Variants in CNTNAP2 observed in about 807,000 individuals in gnomAD.
CNTNAP2 encodes contactin associated protein 2.
Under a neutral mutation model 155.2 loss-of-function variants are expected in CNTNAP2, and 98 were observed. The ratio of observed to expected loss-of-function variants is 0.63; its 90% CI spans 0.54 to 0.75. The LOEUF (loss-of-function observed/expected upper bound fraction) is 0.75. CNTNAP2 is among the 30% of genes least tolerant of loss of function. CNTNAP2 has a pLI of 0.00. For missense variants in CNTNAP2, 1,727 were observed against 1,688.1 expected (o/e 1.02, Z -0.40); for synonymous variants, 651 against 631.2 (o/e 1.03, Z -0.47).
At chr7:147,402,952 GA>G (rs201092537) in intron 10 of CNTNAP2, among the ~76,000 whole-genome samples, 16,284 of 94,762 alleles carry the variant, frequency 0.17, 1,025 homozygotes, top group East Asian at 0.34. Context: ...AAATAATCCT[GA>G]AAAAAAAAAA....
intron 15 of CNTNAP2, among the ~76,000 whole-genome samples, chr7:148,032,968 G>A (rs539168564): frequency 8.5e-5 from 13 of 152,274 alleles, no homozygotes; most frequent in African/African-American, 2.6e-4. Context: ...CCCAGGGCTG[G>A]ATATCAGCCA....
intron 3 of CNTNAP2, among the ~76,000 whole-genome samples, chr7:147,023,418 T>A (rs1021922357): frequency 2.6e-5 from 4 of 152,150 alleles, no homozygotes; most frequent in Non-Finnish European, 5.9e-5. Flanking sequence ...TAAGAAGACT[T>A]TAGAGAGATG....
chr7:148,162,287 T>C (rs1465681134), intron 17 of CNTNAP2, among the ~76,000 whole-genome samples: 1 of 152,226 alleles, frequency 6.6e-6, no homozygotes, highest in Non-Finnish European at 1.5e-5. Context: ...CAAAAATGTA[T>C]TTAGACAAGA....
chr7:147,681,026 C>T lies in CNTNAP2; in HGVS notation c.2098+41720C>T, dbSNP rs562593370. ...ATTTTGTTATTCTTGTTTGGCATTG[C>T]TTTCAAAGTCCATTTCTGTTCCACA... is the stretch of plus-strand genomic sequence containing the variant. On this transcript the variant is annotated intron_variant, in intron 13 of 23. Transcript: ENST00000361727. Among the ~76,000 whole-genome samples, 4 of 151,944 alleles carry T rather than the reference C, an allele frequency of 2.6e-5. No individual in the cohort carries two copies. In the South Asian group the frequency reaches 8.3e-4, roughly 32 times the overall value.
At chr7:147,997,573 A>T (rs924196634) in intron 15 of CNTNAP2, among the ~76,000 whole-genome samples, 246 of 139,350 alleles carry the variant, frequency 1.8e-3, no homozygotes, top group South Asian at 3.8e-3. Flanking sequence ...AAAAAAAAAA[A>T]TTTAAACAAG....
At chr7:146,899,938 A>G (rs555131097) in intron 3 of CNTNAP2, among the ~76,000 whole-genome samples, 3 of 152,324 alleles carry the variant, frequency 2.0e-5, no homozygotes, top group African/African-American at 7.2e-5. Context: ...AGATGTCCCT[A>G]TAAGTGATTG....
At chr7:148,134,198 T>G (rs1006657117) in intron 16 of CNTNAP2, among the ~76,000 whole-genome samples, 16 of 152,242 alleles carry the variant, frequency 1.1e-4, no homozygotes, top group African/African-American at 3.6e-4. Flanking sequence ...TGAGTTTGAT[T>G]CCTCTGATGA....
chr7:147,870,272 G>A (rs550138120), intron 13 of CNTNAP2, among the ~76,000 whole-genome samples: 23 of 152,256 alleles, frequency 1.5e-4, no homozygotes, highest in Admixed American at 3.9e-4. Context: ...GGGAAGGAAG[G>A]AAGATTGGGT....
At chr7:147,512,589 G>C (rs976834136) in intron 11 of CNTNAP2, among the ~76,000 whole-genome samples, 19 of 151,974 alleles carry the variant, frequency 1.3e-4, no homozygotes, top group African/African-American at 4.6e-4. Context: ...AAATACATTA[G>C]CTTAAAGTTA....
At chr7:146,790,786 G>T (rs1015216850) in intron 2 of CNTNAP2, among the ~76,000 whole-genome samples, 6 of 151,774 alleles carry the variant, frequency 4.0e-5, no homozygotes, top group African/African-American at 1.2e-4. Context: ...AGCCAGGATG[G>T]TCTCAATCTC....
intron 13 of CNTNAP2, among the ~76,000 whole-genome samples, chr7:147,761,931 A>T (rs1049881440): frequency 6.6e-6 from 1 of 152,158 alleles, no homozygotes; most frequent in Non-Finnish European, 1.5e-5. Context: ...TATGAAAAAA[A>T]ATACATGCAT....
chr7:146,244,537 A>C (rs1423316686), intron 1 of CNTNAP2, among the ~76,000 whole-genome samples: 2 of 152,168 alleles, frequency 1.3e-5, no homozygotes, highest in Non-Finnish European at 2.9e-5. Context: ...AAGTGGTAAA[A>C]GTATTGTCCA....
intron 14 of CNTNAP2, among the ~76,000 whole-genome samples, chr7:147,917,178 C>G (rs982099496): frequency 1.3e-5 from 2 of 152,226 alleles, no homozygotes; most frequent in Non-Finnish European, 2.9e-5. Flanking sequence ...ACCTGGAAAA[C>G]TTAAACTATT....
chr7:148,046,375 C>G (rs1478865726), intron 15 of CNTNAP2, among the ~76,000 whole-genome samples: 1 of 152,052 alleles, frequency 6.6e-6, no homozygotes, highest in Non-Finnish European at 1.5e-5. Flanking sequence ...CATATATAAA[C>G]TACATATAGT....
chr7:147,676,745 G>T (rs1795875262), intron 13 of CNTNAP2, among the ~76,000 whole-genome samples: 1 of 151,762 alleles, frequency 6.6e-6, no homozygotes, highest in African/African-American at 2.4e-5. Flanking sequence ...ATTTATGAGG[G>T]CAATCATGCA....
chr7:148,334,272 G>T (rs911989636), intron 21 of CNTNAP2, among the ~76,000 whole-genome samples: 1 of 152,136 alleles, frequency 6.6e-6, no homozygotes, highest in African/African-American at 2.4e-5. Context: ...GGTCTCTTGG[G>T]AAGGAATTCA....
chr7:146,196,245 A>C (rs1798773335), intron 1 of CNTNAP2, among the ~76,000 whole-genome samples: 1 of 152,254 alleles, frequency 6.6e-6, no homozygotes, highest in Non-Finnish European at 1.5e-5. Context: ...TAAAATGAAC[A>C]GTTAGAAATA....
chr7:147,964,434 C>T (rs1358176708), intron 14 of CNTNAP2, among the ~76,000 whole-genome samples: 1 of 152,048 alleles, frequency 6.6e-6, no homozygotes, highest in East Asian at 1.9e-4. Context: ...GATTTGTTTC[C>T]ATCATTTTCC....
intron 8 of CNTNAP2, among the ~76,000 whole-genome samples, chr7:147,266,035 GAATC>G (rs200020112): frequency 0.017 from 2,547 of 152,244 alleles, 69 homozygotes; most frequent in African/African-American, 0.058. Flanking sequence ...AGATGAGAAA[GAATC>G]AACCAAAAAA....
Sources: allele counts gnomAD v4.1 joint callset (sites outside exome capture counted in the v4.1 genomes callset), GRCh38; gene constraint gnomAD v4.1.1; transcripts MANE v1.5; gene names NCBI Gene and HGNC (gene_info 2026-07-23, HGNC 2026-07-21).